The following NCAM2 variants were observed in gnomAD, a reference collection of about 807,000 sequenced individuals.
NCAM2 encodes N-CAM-2.
Under a neutral mutation model 98.1 loss-of-function variants are expected in NCAM2, and 30 were observed. The ratio of observed to expected loss-of-function variants is 0.31; its 90% CI spans 0.23 to 0.41. The LOEUF is 0.41. Ranked by LOEUF, NCAM2 falls within the 10% of genes least tolerant of loss-of-function variation. NCAM2 has a pLI of 1.00. For synonymous variants in NCAM2, 368 were observed against 342.4 expected (o/e 1.07, Z -0.83); for missense variants, 867 against 1,005.8 (o/e 0.86, Z 1.87).
intron 15 of NCAM2, among the ~76,000 whole-genome samples, chr21:21,503,262 A>G (rs965275513): frequency 6.6e-6 from 1 of 151,954 alleles, no homozygotes; most frequent in African/African-American, 2.4e-5. Context: ...AGTTAACAAT[A>G]ATATCTGTTA....
intron 1 of NCAM2, among the ~76,000 whole-genome samples, chr21:21,082,291 A>AC (rs1005866490): frequency 1.1e-4 from 15 of 140,146 alleles, no homozygotes; most frequent in Non-Finnish European, 1.8e-4. Context: ...CAAAAAAAAA[A>AC]AAACAAAACA....
At chr21:21,305,840 C>T (rs569638638) in intron 5 of NCAM2, among the ~76,000 whole-genome samples, 1 of 152,148 alleles carries the variant, frequency 6.6e-6, no homozygotes, top group African/African-American at 2.4e-5. Context: ...CCTGATAATA[C>T]TGATTTGAAA....
chr21:21,239,740 CTG>C (rs2147230814), intron 1 of NCAM2, among the ~76,000 whole-genome samples: 2 of 152,112 alleles, frequency 1.3e-5, no homozygotes, highest in South Asian at 4.1e-4. Context: ...ATTATGAAGA[CTG>C]TACCTGGAGG....
chr21:21,482,747 TA>T (rs1192845280), intron 15 of NCAM2, among the ~76,000 whole-genome samples: 5 of 146,616 alleles, frequency 3.4e-5, no homozygotes, highest in African/African-American at 5.1e-5. Flanking sequence ...TTATAATTAT[TA>T]AAAAATAATT....
chr21:21,281,940 A>G (rs1335727459), intron 2 of NCAM2, among the ~76,000 whole-genome samples: 1 of 151,796 alleles, frequency 6.6e-6, no homozygotes, highest in Non-Finnish European at 1.5e-5. Flanking sequence ...ATATATGTAT[A>G]ACATGTCACA....
intron 5 of NCAM2, among the ~76,000 whole-genome samples, chr21:21,316,846 A>G (rs1292579667): frequency 6.6e-6 from 1 of 152,030 alleles, no homozygotes; most frequent in East Asian, 1.9e-4. Context: ...GCCCGGCCAT[A>G]TTTATTCTTG....
intron 1 of NCAM2, among the ~76,000 whole-genome samples, chr21:21,161,887 A>C (rs1194059747): frequency 2.6e-5 from 4 of 152,040 alleles, no homozygotes; most frequent in Non-Finnish European, 4.4e-5. Context: ...GAGGACAAGA[A>C]GTAGGTTATT....
chr21:21,402,574 G>T (rs1259313137), intron 9 of NCAM2, among the ~76,000 whole-genome samples: 6 of 152,112 alleles, frequency 3.9e-5, no homozygotes, highest in Non-Finnish European at 7.4e-5. Flanking sequence ...TCAAAAGCAT[G>T]TGATCTTTGC....
chr21:21,281,753 A>G (rs1365032307), intron 2 of NCAM2, among the ~76,000 whole-genome samples: 6 of 151,946 alleles, frequency 3.9e-5, no homozygotes, highest in Non-Finnish European at 7.4e-5. Context: ...TCTTGATTAC[A>G]CTAAATCAAC....
chr21:21,537,830 A>AT lies in NCAM2; in HGVS notation c.2403-10dup. 3 of 1,356,388 alleles carry AT rather than the reference A, an allele frequency of 2.2e-6. No homozygotes were observed. The highest frequency in any genetic ancestry group is 3.1e-6 in the Non-Finnish European group (3 of 971,754). 84.0% of individuals were successfully genotyped at this position (1,356,388 alleles called of 1,614,324 possible). A position where few individuals can be genotyped will look rare whatever the true frequency, so the allele number is the denominator to read the frequency against. Reference sequence around the variant, plus strand: ...AATACCTCAGAAAATGAAGCTTATTATTTTTTATCTTCCAGAAAATTGCCT... The same window carrying AT: ...AATACCTCAGAAAATGAAGCTTATTATTTTTTTATCTTCCAGAAAATTGCCT... On this transcript the variant is annotated splice_polypyrimidine_tract_variant and intron_variant, in intron 17 of 17. Transcript: ENST00000400546.
At chr21:21,437,057 A>G (rs1406143075) in intron 12 of NCAM2, among the ~76,000 whole-genome samples, 2 of 151,940 alleles carry the variant, frequency 1.3e-5, no homozygotes, top group African/African-American at 4.8e-5. Flanking sequence ...TTACAGGCAT[A>G]AACCACCACG....
chr21:21,341,549 G>T (rs1419695434), intron 8 of NCAM2, among the ~76,000 whole-genome samples: 1 of 152,070 alleles, frequency 6.6e-6, no homozygotes, highest in Non-Finnish European at 1.5e-5. Context: ...TATCAGTCAA[G>T]TTTTGATGAA....
Position 21,346,153 on chromosome 21 carries a change from C to T in NCAM2, c.1044+7619C>T, listed in dbSNP as rs142081169. Among the ~76,000 whole-genome samples the T allele has an allele frequency of 9.6e-3, 1,410 of 147,440 alleles. 18 individuals are homozygous for T. Among genetic ancestry groups the T allele is most frequent in the East Asian group, 0.011 (52 of 4,912 alleles). ...TGATCTGTTGCCTACAAGAAACATA[C>T]TTCATCTATAAAGACTCACATAGAC... On this transcript the variant is annotated intron_variant, in intron 8 of 17. Coordinates refer to ENST00000400546, the MANE Select transcript of NCAM2 (RefSeq NM_004540.5).
intron 11 of NCAM2, among the ~76,000 whole-genome samples, chr21:21,421,297 A>G (rs537380924): frequency 2.4e-4 from 37 of 152,156 alleles, no homozygotes; most frequent in Middle Eastern, 3.4e-3. Flanking sequence ...CTATCCTTCT[A>G]GTGACTATAT....
In NCAM2 at chr21:21,410,436, G is replaced by T. The variant is rs866523167; in HGVS notation, c.1358G>T (p.Ser453Ile). ...AKNTTNLKTY[S>I]TGRKMILEIA... Reference sequence around the variant, plus strand: ...AACACGACCAATTTAAAGACTTATAGTACAGGAAGAAAGATGATATTAGAG... The same window carrying T: ...AACACGACCAATTTAAAGACTTATATTACAGGAAGAAAGATGATATTAGAG... Residue 453 changes from serine (S) to isoleucine (I), a missense_variant, in exon 10 of 18, where the codon AGT (serine) becomes ATT (isoleucine). Physicochemically the swap from Ser to Ile is moderately radical, Grantham distance 142 (BLOSUM62 -2). Around this residue, in one of 5 missense-constraint regions of NCAM2, gnomAD observed 56 missense variants for 39.6 expected, o/e 1.41. Transcript: ENST00000400546. 2 of 1,565,854 alleles carry T rather than the reference G, an allele frequency of 1.3e-6. No homozygotes were observed. The highest frequency in any genetic ancestry group is 1.7e-6 in the Non-Finnish European group (2 of 1,157,164).
In NCAM2 at chr21:21,030,768, TATTA is replaced by T. The variant is rs1384797015; in HGVS notation, c.55+32154_55+32157del. ...GAAGAGCTCCAAAGCGATGATTCAGTATTAATTGATTAGTCAGATAAATAGTAAT... is the reference window on the plus strand; with the variant it reads ...GAAGAGCTCCAAAGCGATGATTCAGTATTGATTAGTCAGATAAATAGTAAT... On this transcript the variant is annotated intron_variant, in intron 1 of 17. Coordinates refer to ENST00000400546, the MANE Select transcript of NCAM2 (RefSeq NM_004540.5). Among the ~76,000 whole-genome samples the T allele has an allele frequency of 2.0e-5, 3 of 152,220 alleles. No homozygotes were observed. The East Asian group carries it at 5.8e-4, about 29-fold the overall frequency.
chr21:21,013,781 CA>C (rs58879508), intron 1 of NCAM2, among the ~76,000 whole-genome samples: 88 of 140,172 alleles, frequency 6.3e-4, no homozygotes, highest in African/African-American at 7.3e-4. Context: ...AACTGCATCT[CA>C]AAAAAAAAAA....
chr21:21,468,769 G>A lies in NCAM2; in HGVS notation c.1882G>A (p.Val628Met). 1 of 1,610,730 alleles carries A rather than the reference G, an allele frequency of 6.2e-7. No homozygotes were observed. The highest frequency in any genetic ancestry group is 8.5e-7 in the Non-Finnish European group (1 of 1,177,858). Residue 628 changes from valine to methionine, a missense_variant, in exon 14 of 18, where the codon GTG (valine) becomes ATG (methionine). Coordinates refer to ENST00000400546, the MANE Select transcript of NCAM2 (RefSeq NM_004540.5). ...AGGGGCCCCTATTTTGGAATACATT[G>A]TGAAATATAGAAGTGTAAGTACCTT... ...DGGAPILEYI[V>M]KYRSKDKEDQ...
chr21:21,167,210 T>C (rs750596344), intron 1 of NCAM2, among the ~76,000 whole-genome samples: 1 of 150,276 alleles, frequency 6.7e-6, no homozygotes, highest in Non-Finnish European at 1.5e-5. Flanking sequence ...ACTGCCAGTT[T>C]TCTCTCTCTC....
Sources: gnomAD v4.1 joint callset for allele counts (sites outside exome capture counted in the v4.1 genomes callset) on GRCh38, gnomAD v4.1.1 for gene constraint, gnomAD v4.1.1 regional missense constraint, MANE v1.5 for transcripts, NCBI Gene and HGNC (gene_info 2026-07-23, HGNC 2026-07-21) for gene names.